Variants in SGTB observed in about 807,000 individuals in gnomAD.
SGTB encodes the protein small glutamine-rich tetratricopeptide repeat-containing protein beta.
SGTB carries 19 observed loss-of-function variants against 43.9 expected under a neutral mutation model. The ratio of observed to expected loss-of-function variants is 0.43; its 90% confidence interval spans 0.30 to 0.63. SGTB has a LOEUF of 0.63. Among genes scored for constraint, SGTB ranks in the 30% least tolerant of loss-of-function variants. The pLI is 0.12. For missense variants in SGTB, 304 were observed against 358.9 expected (o/e 0.85, Z 1.24); for synonymous variants, 116 against 117.3 (o/e 0.99, Z 0.07).
chr5:65,700,606 G>C (rs762250579), intron 5 of SGTB, among the ~76,000 whole-genome samples: 1 of 150,826 alleles, frequency 6.6e-6, no homozygotes, highest in Non-Finnish European at 1.5e-5. Context: ...GCGTGAACCC[G>C]GGAGGCGGAG....
intron 8 of SGTB, among the ~76,000 whole-genome samples, chr5:65,675,217 G>A (rs1026897426): frequency 6.6e-6 from 1 of 152,134 alleles, no homozygotes; most frequent in Non-Finnish European, 1.5e-5. Flanking sequence ...TGTAAGAATA[G>A]AAGACAAACA....
rs962759908 is a variant in SGTB, at chr5:65,687,958, AG to A, written c.375-2487del. On this transcript the variant is annotated intron_variant, in intron 5 of 10. Transcript: ENST00000381007. ...TAATTTTCGTATTTTTAGTAGAGAC[AG>A]GGTTTCGCCATGTTGGCCAGGCTGA... is the stretch of plus-strand genomic sequence containing the variant. Among the ~76,000 whole-genome samples the A allele has an allele frequency of 3.1e-4, 47 of 152,192 alleles. 1 individual carries two copies. The highest frequency in any genetic ancestry group is 1.5e-3 in the Admixed American group (23 of 15,284).
chr5:65,722,106 G>T lies in SGTB; in HGVS notation c.-212C>A. ...GCTGTGCTCTCTCTCAGGCGGCAGG[G>T]TCTGGCCAGCACCGCCCCTGGGGCG... On this transcript the variant is annotated 5_prime_UTR_variant, in exon 1 of 11. Transcript: ENST00000381007. 1 of 176,746 alleles carries T rather than the reference G, an allele frequency of 5.7e-6. No individual in the cohort carries two copies. The highest frequency in any genetic ancestry group is 1.2e-5 in the Non-Finnish European group (1 of 84,812). 10.9% of individuals were successfully genotyped at this position (176,746 alleles called of 1,614,324 possible). A position where few individuals can be genotyped will look rare whatever the true frequency, so the allele number is the denominator to read the frequency against.
Position 65,666,429 on chromosome 5 carries a change from A to G in SGTB, c.*3817T>C, listed in dbSNP as rs973519467. The G allele has an allele frequency of 5.9e-5, 9 of 152,234 alleles. No homozygotes were observed. Among genetic ancestry groups the G allele is most frequent in the Admixed American group, 5.9e-4 (9 of 15,284 alleles). 9.4% of individuals were successfully genotyped at this position (152,234 alleles called of 1,614,324 possible). On this transcript the variant is annotated 3_prime_UTR_variant, in exon 11 of 11. Coordinates refer to ENST00000381007, the MANE Select transcript of SGTB (RefSeq NM_019072.3). ...ATATATAGAACCTGTTCTGTTTTAC[A>G]CAGTATCATAATAGCTACAGCTACT... is the stretch of plus-strand genomic sequence containing the variant.
intron 5 of SGTB, among the ~76,000 whole-genome samples, chr5:65,690,007 G>C (rs1377524905): frequency 2.0e-5 from 3 of 149,930 alleles, no homozygotes; most frequent in South Asian, 2.1e-4. Flanking sequence ...TCAATACAAA[G>C]TAACAGCAGG....
chr5:65,685,233 TC>T (rs1757475994), intron 6 of SGTB, 134 bp downstream of exon 6: 5 of 680,684 alleles, frequency 7.3e-6, no homozygotes, highest in Non-Finnish European at 1.2e-5. Context: ...TGTAGTCATT[TC>T]CTCCCTTATG....
chr5:65,703,556 C>A (rs891678618), intron 5 of SGTB, among the ~76,000 whole-genome samples: 5 of 151,132 alleles, frequency 3.3e-5, no homozygotes, highest in Non-Finnish European at 7.4e-5. Context: ...CCAAAAAAAA[C>A]AAAAATACAA....
chr5:65,685,841 A>G (rs1249402104), intron 5 of SGTB, among the ~76,000 whole-genome samples: 1 of 152,224 alleles, frequency 6.6e-6, no homozygotes, highest in Non-Finnish European at 1.5e-5. Context: ...GTGAATGGCT[A>G]CACAGAGGGT....
At chr5:65,689,780 G>A (rs920908503) in intron 5 of SGTB, among the ~76,000 whole-genome samples, 6 of 152,142 alleles carry the variant, frequency 3.9e-5, no homozygotes, top group Admixed American at 2.0e-4. Context: ...TAGAGAAAAG[G>A]TGGTTTTAGG....
At chr5:65,672,394 T>C (rs1355809604) in intron 8 of SGTB, 113 bp from the exon 9 acceptor site, 1 of 1,319,634 alleles carries the variant, frequency 7.6e-7, no homozygotes, top group Non-Finnish European at 1.1e-6. Context: ...TAACATTTTG[T>C]AGAGTTTCAG....
chr5:65,704,221 A>C, intron 5 of SGTB, 58 bp downstream of exon 5: 3 of 1,207,622 alleles, frequency 2.5e-6, no homozygotes, highest in Non-Finnish European at 3.5e-6. Flanking sequence ...ATTTTCCTTC[A>C]GAGCTATTAA....
intron 5 of SGTB, among the ~76,000 whole-genome samples, chr5:65,695,020 A>G (rs1475433809): frequency 6.1e-5 from 7 of 115,494 alleles, no homozygotes; most frequent in Admixed American, 5.8e-4. Flanking sequence ...TCCTGTAGGT[A>G]TTTTGGAACT....
intron 4 of SGTB, 85 bp from the exon 5 acceptor site, chr5:65,704,463 CTA>C: frequency 9.9e-7 from 1 of 1,014,434 alleles, no homozygotes; most frequent in Non-Finnish European, 1.4e-6. Context: ...ATCGTGGAAA[CTA>C]TAATTATATG....
intron 6 of SGTB, among the ~76,000 whole-genome samples, chr5:65,681,975 C>CAAA (rs562029850): frequency 7.3e-6 from 1 of 136,894 alleles, no homozygotes. Flanking sequence ...AATTCCATCT[C>CAAA]AAAAAAAAAA....
At chr5:65,679,527 G>C (rs576977062) in intron 8 of SGTB, among the ~76,000 whole-genome samples, 1 of 152,264 alleles carries the variant, frequency 6.6e-6, no homozygotes, top group African/African-American at 2.4e-5. Flanking sequence ...TGAGGCAGGA[G>C]ATTCGCTTGA....
At chr5:65,675,577 C>A (rs918286027) in intron 8 of SGTB, among the ~76,000 whole-genome samples, 3 of 152,048 alleles carry the variant, frequency 2.0e-5, no homozygotes, top group African/African-American at 7.2e-5. Context: ...CGTTAAGAAC[C>A]CTGCCATTCA....
In SGTB at chr5:65,680,807, G is replaced by C. The variant is rs199907458; in HGVS notation, c.480-13C>G. The C allele has an allele frequency of 6.2e-7, 1 of 1,606,240 alleles. No individual in the cohort carries two copies. Among genetic ancestry groups the C allele is most frequent in the African/African-American group, 1.3e-5 (1 of 74,534 alleles). On this transcript the variant is annotated splice_polypyrimidine_tract_variant and intron_variant, in intron 6 of 10. Coordinates refer to ENST00000381007, the MANE Select transcript of SGTB (RefSeq NM_019072.3). ...AGTGAGGGCCAGCCTGAAGGGAATA[G>C]AATATAAGAATATCAGATATATGAT...
intron 5 of SGTB, among the ~76,000 whole-genome samples, chr5:65,696,040 A>C (rs543009516): frequency 2.4e-4 from 36 of 152,324 alleles, no homozygotes; most frequent in Non-Finnish European, 3.5e-4. Context: ...ATGCGAAATA[A>C]TGAGGCCTCT....
chr5:65,713,875 A>T (rs1758095911), intron 2 of SGTB, among the ~76,000 whole-genome samples: 2 of 151,898 alleles, frequency 1.3e-5, no homozygotes, highest in African/African-American at 4.8e-5. Flanking sequence ...CAAAAATACA[A>T]AAAATTGGCC....
Sources: gnomAD v4.1 joint callset for allele counts (sites outside exome capture counted in the v4.1 genomes callset) on GRCh38, gnomAD v4.1.1 for gene constraint, MANE v1.5 for transcripts, NCBI Gene and HGNC (gene_info 2026-07-23, HGNC 2026-07-21) for gene names.